COL4A2: variants seen among roughly 807,000 people sequenced by gnomAD.
COL4A2 encodes collagen alpha-2(IV) chain.
A neutral mutation model predicts 200.2 loss-of-function variants in COL4A2; 99 were observed. That is an observed-to-expected ratio of 0.49 (90% CI 0.42 to 0.58). The LOEUF is 0.58. Ranked by LOEUF, COL4A2 falls within the 20% of genes least tolerant of loss-of-function variation. The pLI, the probability that COL4A2 is intolerant of heterozygous loss-of-function variation, is 0.00. For synonymous variants in COL4A2, 897 were observed against 900.6 expected, an observed-to-expected ratio of 1.00 and a Z score of 0.07; for missense variants, 1,950 against 2,314.1, an observed-to-expected ratio of 0.84 and a Z score of 3.23.
At chr13:110,429,209 TTCA>T (rs1386065382) in intron 7 of COL4A2, 2 of 152,230 alleles carry the variant, frequency 1.3e-5, no homozygotes, top group African/African-American at 4.8e-5. Flanking sequence ...ATTAATCACC[TTCA>T]TCACGTTTTC....
At position 110,499,987 on chromosome 13, in the gene COL4A2, G is replaced by A. The variant is rs138815283; in HGVS notation, c.3761-1681G>A. 5.7e-3 allele frequency among the ~76,000 whole-genome samples: 875 copies of A among 152,312 alleles called. 9 individuals carry two copies. The highest frequency in any genetic ancestry group is 0.011 in the South Asian group (51 of 4,828). Reference sequence around the variant, plus strand: ...AAACTACAGATGGTGGCTCACTCATGCCCTCAGGGCTAATGAACCCACTTG... The same window carrying A: ...AAACTACAGATGGTGGCTCACTCATACCCTCAGGGCTAATGAACCCACTTG... On this transcript the variant is annotated intron_variant, in intron 40 of 47. Coordinates refer to ENST00000360467, the MANE Select transcript of COL4A2 (RefSeq NM_001846.4).
At chr13:110,385,435 CTGGATAGACCGTGGCTGCAGTGTG>C (rs1199027767) in intron 4 of COL4A2, among the ~76,000 whole-genome samples, 1,697 of 43,790 alleles carry the variant, frequency 0.039, 32 homozygotes, top group African/African-American at 0.1. Flanking sequence ...GTTACAGTGC[CTGGATAGACCGTGGCTGCAGTGTG>C]TGGATAGGCC....
At chr13:110,493,163 T>C in intron 38 of COL4A2, 48 bp from the exon 39 acceptor site, 2 of 1,610,150 alleles carry the variant, frequency 1.2e-6, no homozygotes, top group South Asian at 2.2e-5. Context: ...TAACGATGAG[T>C]GACACCCCCG....
intron 34 of COL4A2, among the ~76,000 whole-genome samples, chr13:110,486,662 A>C (rs1016186101): frequency 2.0e-5 from 3 of 151,976 alleles, no homozygotes; most frequent in African/African-American, 4.8e-5. Context: ...TGTTAATTTC[A>C]CCTGGGTGCA....
intron 32 of COL4A2, 65 bp from the exon 33 acceptor site, chr13:110,484,840 T>G (rs1883057224): frequency 2.4e-5 from 36 of 1,511,658 alleles, no homozygotes; most frequent in Non-Finnish European, 3.1e-5. Context: ...GGACCAGGCC[T>G]TCACCTGTGT....
intron 28 of COL4A2, among the ~76,000 whole-genome samples, chr13:110,471,568 T>C (rs897486621): frequency 1.3e-5 from 2 of 152,204 alleles, no homozygotes; most frequent in Non-Finnish European, 2.9e-5. Flanking sequence ...GGGTACAGTT[T>C]GTAACATTGC....
intron 40 of COL4A2, among the ~76,000 whole-genome samples, chr13:110,496,070 C>T (rs1298055234): frequency 2.0e-5 from 3 of 152,240 alleles, no homozygotes; most frequent in Non-Finnish European, 4.4e-5. Flanking sequence ...CCCCGCCCAC[C>T]TCACCAGCCT....
At chr13:110,418,085 C>A (rs1365864156) in intron 4 of COL4A2, among the ~76,000 whole-genome samples, 7 of 152,144 alleles carry the variant, frequency 4.6e-5, no homozygotes, top group Non-Finnish European at 8.8e-5. Context: ...CCATTTGAGT[C>A]CATCACAGTT....
intron 31 of COL4A2, 32 bp downstream of exon 31, chr13:110,480,422 G>C: frequency 6.3e-7 from 1 of 1,588,040 alleles, no homozygotes; most frequent in South Asian, 1.2e-5. Context: ...GGGATCCCTT[G>C]GCGGGGAGGT....
intron 29 of COL4A2, among the ~76,000 whole-genome samples, chr13:110,474,137 GA>G (rs1882586560): frequency 6.6e-6 from 1 of 151,930 alleles, no homozygotes; most frequent in Non-Finnish European, 1.5e-5. Context: ...AAAAAGAAAA[GA>G]AAAGAAAAGA....
intron 4 of COL4A2, among the ~76,000 whole-genome samples, chr13:110,376,581 T>A (rs2139406461): frequency 6.6e-6 from 1 of 152,358 alleles, no homozygotes; most frequent in East Asian, 1.9e-4. Context: ...GTTTTTACAT[T>A]ACATATTTGT....
intron 4 of COL4A2, among the ~76,000 whole-genome samples, chr13:110,385,272 A>G (rs1259413168): frequency 2.6e-5 from 4 of 152,196 alleles, no homozygotes; most frequent in Non-Finnish European, 5.9e-5. Flanking sequence ...AAAAAAAAAA[A>G]AAGTTAAACA....
chr13:110,409,104 A>G (rs1252304404), intron 4 of COL4A2, among the ~76,000 whole-genome samples: 2 of 87,298 alleles, frequency 2.3e-5, no homozygotes, highest in Non-Finnish European at 4.8e-5. Context: ...ACGGACACAT[A>G]CACATAACAC....
chr13:110,485,987 G>C (rs1883108346), intron 34 of COL4A2, 151 bp downstream of exon 34: 1 of 1,288,604 alleles, frequency 7.8e-7, no homozygotes, highest in Admixed American at 2.8e-5. Context: ...CACAGCCCTG[G>C]AAGGAGCTGC....
rs745575314 is a variant in COL4A2 at position 110,477,984 on chromosome 13, T to C, written c.2426-19T>C. On this transcript the variant is annotated intron_variant, in intron 29 of 47. Coordinates refer to ENST00000360467, the MANE Select transcript of COL4A2 (RefSeq NM_001846.4). ...AGTCCAGAGTTGGCCCCCACAGCTC[T>C]TGTCTCTGATTCCTGCAGGAAGCCA... 2 of 1,537,624 alleles carry C rather than the reference T, an allele frequency of 1.3e-6. No individual in the cohort carries two copies. Among genetic ancestry groups the C allele is most frequent in the Non-Finnish European group, 1.8e-6 (2 of 1,138,280 alleles).
chr13:110,321,648 T>C (rs1885281836), intron 3 of COL4A2, among the ~76,000 whole-genome samples: 2 of 152,222 alleles, frequency 1.3e-5, no homozygotes, highest in African/African-American at 4.8e-5. Flanking sequence ...TTCATGCTAC[T>C]GATAAAGACA....
At chr13:110,358,059 CT>C (rs1877363595) in intron 4 of COL4A2, among the ~76,000 whole-genome samples, 1 of 152,134 alleles carries the variant, frequency 6.6e-6, no homozygotes. Context: ...TTTACTATAA[CT>C]TTTTTACTTT....
chr13:110,365,619 C>A (rs777093247), intron 4 of COL4A2, among the ~76,000 whole-genome samples: 1 of 152,164 alleles, frequency 6.6e-6, no homozygotes, highest in Non-Finnish European at 1.5e-5. Context: ...GCACACCCCT[C>A]CCCCTACCCT....
In COL4A2 at chr13:110,462,382, C is replaced by G; in HGVS notation, c.1774C>G (p.Pro592Ala). Residue 592 changes from proline to alanine, a missense_variant and splice_region_variant, in exon 24 of 48, where the codon CCC becomes GCC. Physicochemically the swap from Pro to Ala is conservative, Grantham distance 27 (BLOSUM62 -1). Transcript: ENST00000360467. ...TGGATTCCCCGGCCTCCCAGGCCCT[C>G]CCGTGAGTAGCCACAAACTGCGGCA... ...LDGFPGLPGP[P>A]GDGIKGPPGD... 1 of 1,612,392 alleles carries G rather than the reference C, an allele frequency of 6.2e-7. No individual in the cohort carries two copies. Among genetic ancestry groups the G allele is most frequent in the Non-Finnish European group, 8.5e-7 (1 of 1,179,854 alleles).
Sources: gnomAD v4.1 joint callset for allele counts (sites outside exome capture counted in the v4.1 genomes callset) on GRCh38, gnomAD v4.1.1 for gene constraint, MANE v1.5 for transcripts, NCBI Gene and HGNC (gene_info 2026-07-23, HGNC 2026-07-21) for gene names.